NRXN1: variants seen among roughly 807,000 people sequenced by gnomAD.
NRXN1 encodes the protein neurexin-1.
A neutral mutation model predicts 150.9 loss-of-function variants in NRXN1; 39 were observed. That is an observed-to-expected ratio of 0.26 (90% CI 0.20 to 0.34). The LOEUF (loss-of-function observed/expected upper bound fraction) is 0.34, where lower values mean the gene tolerates loss of function less well. Ranked by LOEUF, NRXN1 falls within the 10% of genes least tolerant of loss-of-function variation. NRXN1 has a pLI of 1.00. For missense variants in NRXN1, 1,815 were observed against 1,949.9 expected, an observed-to-expected ratio of 0.93 and a Z score of 1.30; for synonymous variants, 924 against 757.0, an observed-to-expected ratio of 1.22 and a Z score of -3.62.
intron 12 of NRXN1, among the ~76,000 whole-genome samples, chr2:50,524,640 A>G (rs2092894331): frequency 6.6e-6 from 1 of 152,060 alleles, no homozygotes. Flanking sequence ...AAGAAACACA[A>G]AAGGCTCCCT....
intron 19 of NRXN1, among the ~76,000 whole-genome samples, chr2:50,078,374 C>G (rs1300152134): frequency 6.8e-6 from 1 of 147,462 alleles, no homozygotes; most frequent in Non-Finnish European, 1.5e-5. Flanking sequence ...ACTCTTATTT[C>G]AAAAAAAAAA....
chr2:50,562,660 G>C (rs751002255), intron 8 of NRXN1, among the ~76,000 whole-genome samples: 2 of 152,092 alleles, frequency 1.3e-5, no homozygotes, highest in African/African-American at 4.8e-5. Flanking sequence ...GCTCCACAAA[G>C]AGTTAGTTAT....
chr2:49,976,610 G>A (rs974664606), intron 21 of NRXN1, among the ~76,000 whole-genome samples: 1 of 152,150 alleles, frequency 6.6e-6, no homozygotes, highest in African/African-American at 2.4e-5. Flanking sequence ...CATGTGGCCT[G>A]CTTTTTTTCA....
intron 21 of NRXN1, among the ~76,000 whole-genome samples, chr2:50,028,276 T>A (rs2152565503): frequency 6.6e-6 from 1 of 152,308 alleles, no homozygotes; most frequent in South Asian, 2.1e-4. Flanking sequence ...ATATAGAGAA[T>A]TGGGTGCACA....
intron 5 of NRXN1, among the ~76,000 whole-genome samples, chr2:50,820,098 T>C (rs561280222): frequency 2.0e-5 from 3 of 152,140 alleles, no homozygotes; most frequent in South Asian, 4.2e-4. Context: ...GAACCCATGA[T>C]TGATATTCTT....
intron 5 of NRXN1, among the ~76,000 whole-genome samples, chr2:50,635,921 C>A (rs1474945728): frequency 2.0e-5 from 3 of 152,086 alleles, no homozygotes; most frequent in African/African-American, 7.2e-5. Context: ...ATCAACAATT[C>A]TATGAGAAAA....
intron 5 of NRXN1, among the ~76,000 whole-genome samples, chr2:50,842,463 A>G (rs1037353994): frequency 2.6e-5 from 4 of 152,194 alleles, no homozygotes; most frequent in Admixed American, 2.0e-4. Context: ...AAACCACAGT[A>G]CACTCATTAA....
chr2:50,070,784 A>C (rs1042250800), intron 19 of NRXN1, among the ~76,000 whole-genome samples: 2 of 149,850 alleles, frequency 1.3e-5, no homozygotes, highest in Non-Finnish European at 2.9e-5. Context: ...AAAAAAAAAA[A>C]AAAAACCTGT....
chr2:50,552,841 C>G lies in NRXN1; in HGVS notation c.1505G>C (p.Gly502Ala). 1 of 1,613,882 alleles carries G rather than the reference C, an allele frequency of 6.2e-7. No homozygotes were observed. The highest frequency in any genetic ancestry group is 8.5e-7 in the Non-Finnish European group (1 of 1,179,848). The change falls in exon 9 of 23, where the codon GGC becomes GCC. Residue 502 changes from glycine (G) to alanine (A), a missense_variant. Gly to Ala is a moderately conservative substitution (Grantham distance 60). This residue lies in a region of NRXN1 where 638 missense variants were observed against 652.6 expected (regional missense o/e 0.98). Coordinates refer to ENST00000401669, the MANE Select transcript of NRXN1 (RefSeq NM_001330078.2). Reference protein sequence around the residue: ...SLPKWNAKKTGSISFDFRTTE... With the variant: ...SLPKWNAKKTASISFDFRTTE... ...TGTACGGAAATCAAATGATATGGAG[C>G]CAGTTTTCTTTGCATTCCATTTAGG... is the stretch of plus-strand genomic sequence containing the variant.
At chr2:51,017,355 A>AGAT (rs140479262) in intron 2 of NRXN1, among the ~76,000 whole-genome samples, 3,929 of 150,134 alleles carry the variant, frequency 0.026, 199 homozygotes, top group African/African-American at 0.091. Context: ...TTCTTTTAAG[A>AGAT]GATAGGGTCT....
chr2:50,720,806 G>T lies in NRXN1; in HGVS notation c.833-97191C>A, dbSNP rs113961474. 2.2e-3 allele frequency among the ~76,000 whole-genome samples: 337 copies of T among 152,154 alleles called. 6 individuals carry two copies. Among genetic ancestry groups the T allele is most frequent in the African/African-American group, 7.8e-3 (323 of 41,530 alleles). On this transcript the variant is annotated intron_variant, in intron 5 of 22. Transcript: ENST00000401669. The stretch of plus-strand genomic sequence containing the variant: ...AGAAAAATGCACGGAAAGCTCCCAG[G>T]TGCCACTTAACTCTCCTTCCTTGCT...
intron 15 of NRXN1, among the ~76,000 whole-genome samples, chr2:50,490,667 C>T (rs1371347868): frequency 2.6e-5 from 4 of 152,154 alleles, no homozygotes; most frequent in African/African-American, 9.7e-5. Context: ...CAGAGAGGAG[C>T]CATCTCACAG....
chr2:50,828,191 G>C (rs1161762967), intron 5 of NRXN1, among the ~76,000 whole-genome samples: 2 of 151,240 alleles, frequency 1.3e-5, no homozygotes, highest in East Asian at 2.0e-4. Context: ...GCCGGGCAGA[G>C]GCACCCCTCA....
intron 5 of NRXN1, among the ~76,000 whole-genome samples, chr2:50,856,540 G>A (rs10490174): frequency 0.18 from 26,901 of 151,690 alleles, 2,747 homozygotes; most frequent in Non-Finnish European, 0.21. Context: ...TAATGTATTC[G>A]GTGAAAATAT....
At chr2:50,751,612 T>C (rs1700604209) in intron 5 of NRXN1, among the ~76,000 whole-genome samples, 2 of 151,954 alleles carry the variant, frequency 1.3e-5, no homozygotes, top group Admixed American at 6.6e-5. Flanking sequence ...GGTCAGCACA[T>C]AGTCTGTGCT....
At chr2:50,847,918 C>T (rs1673917926) in intron 5 of NRXN1, among the ~76,000 whole-genome samples, 1 of 152,090 alleles carries the variant, frequency 6.6e-6, no homozygotes, top group African/African-American at 2.4e-5. Flanking sequence ...CAGCTGAGAG[C>T]TACTTCTACT....
At chr2:51,012,093 G>A (rs190291626) in intron 2 of NRXN1, among the ~76,000 whole-genome samples, 1 of 152,044 alleles carries the variant, frequency 6.6e-6, no homozygotes, top group East Asian at 1.9e-4. Context: ...AAAATGTGAC[G>A]CTTTCCAACT....
chr2:50,981,010 G>A (rs7571051), intron 2 of NRXN1, among the ~76,000 whole-genome samples: 33,547 of 151,968 alleles, frequency 0.22, 4,083 homozygotes, highest in Non-Finnish European at 0.28. Context: ...TAAAATAGAT[G>A]TATGCAGCAC....
At chr2:50,050,134 T>C (rs1008590539) in intron 21 of NRXN1, among the ~76,000 whole-genome samples, 4 of 149,842 alleles carry the variant, frequency 2.7e-5, no homozygotes, top group East Asian at 3.9e-4. Flanking sequence ...GGGCTGAAAA[T>C]TGATTATCAT....
Sources: gnomAD v4.1 joint callset for allele counts (sites outside exome capture counted in the v4.1 genomes callset) on GRCh38, gnomAD v4.1.1 for gene constraint, gnomAD v4.1.1 regional missense constraint, MANE v1.5 for transcripts, NCBI Gene and HGNC (gene_info 2026-07-23, HGNC 2026-07-21) for gene names.